ACSM3: variants seen among roughly 807,000 people sequenced by gnomAD.
ACSM3 encodes the protein acyl-CoA synthetase medium chain family member 3.
In ACSM3, 61 loss-of-function variants were observed where a neutral mutation model predicts 74.1. The ratio of observed to expected loss-of-function variants is 0.82; its 90% CI spans 0.67 to 1.02. ACSM3 has a LOEUF of 1.02. ACSM3 is among the 50% of genes least tolerant of loss of function. ACSM3 has a pLI of 0.00. For missense variants in ACSM3, 660 were observed against 697.0 expected (o/e 0.95, Z 0.60); for synonymous variants, 213 against 241.5 (o/e 0.88, Z 1.09).
intron 1 of ACSM3, among the ~76,000 whole-genome samples, chr16:20,728,998 T>C (rs4783486): frequency 0.62 from 93,601 of 151,620 alleles, 29,995 homozygotes; most frequent in Non-Finnish European, 0.72. Flanking sequence ...GTCCCAGCTA[T>C]CCAGAAGGCT....
chr16:20,763,701 TCTTTC>T (rs953620546), upstream of ACSM3: 4 of 152,262 alleles, frequency 2.6e-5, no homozygotes, highest in Non-Finnish European at 4.4e-5. Flanking sequence ...CCCCTCAACT[TCTTTC>T]CTTTCAATTT....
chr16:20,723,389 G>A (rs1377569202), intron 1 of ACSM3, among the ~76,000 whole-genome samples: 3 of 152,144 alleles, frequency 2.0e-5, no homozygotes, highest in Non-Finnish European at 4.4e-5. Flanking sequence ...AATCCTTTGG[G>A]TATATACCCA....
chr16:20,767,067 T>C (rs1479832091), intron 1 of ACSM3, among the ~76,000 whole-genome samples: 1 of 152,150 alleles, frequency 6.6e-6, no homozygotes, highest in African/African-American at 2.4e-5. Flanking sequence ...TTTTACAGTT[T>C]TTTTGAGCCA....
At chr16:20,788,457 A>G (rs2080522289) in intron 9 of ACSM3, among the ~76,000 whole-genome samples, 1 of 152,162 alleles carries the variant, frequency 6.6e-6, no homozygotes, top group South Asian at 2.1e-4. Flanking sequence ...TGCAAATATG[A>G]TGAGGCTGAG....
At chr16:20,742,808 TATATA>T (rs1197034705) in intron 1 of ACSM3, among the ~76,000 whole-genome samples, 8 of 46,118 alleles carry the variant, frequency 1.7e-4, no homozygotes, top group South Asian at 7.6e-4. Context: ...TATATATATA[TATATA>T]TTTTTTTTTT....
chr16:20,776,075 T>C (rs1041281393), intron 3 of ACSM3, 26 bp downstream of exon 3: 11 of 1,608,534 alleles, frequency 6.8e-6, no homozygotes, highest in Admixed American at 6.7e-5. Flanking sequence ...TTTCCGATCA[T>C]ATTTATTACT....
chr16:20,797,180 AT>A lies in ACSM3; in HGVS notation c.*211del. On this transcript the variant is annotated 3_prime_UTR_variant, in exon 14 of 14. Coordinates refer to ENST00000289416, the MANE Select transcript of ACSM3 (RefSeq NM_005622.4). ...CCACATTAGTGTCAATGTTCCTATC[AT>A]TTCTTAATATAAAAATAATACCATC... The A allele has an allele frequency of 7.8e-7, 1 of 1,281,444 alleles. No individual in the cohort carries two copies. Among genetic ancestry groups the A allele is most frequent in the Non-Finnish European group, 9.9e-7 (1 of 1,014,788 alleles). The allele number at this position is 1,281,444 out of a possible 1,614,324, so 79.4% of individuals were successfully genotyped here. A position where few individuals can be genotyped will look rare whatever the true frequency, so the allele number is the denominator to read the frequency against.
intron 12 of ACSM3, 195 bp downstream of exon 12, chr16:20,792,530 C>A: frequency 1.0e-6 from 1 of 985,360 alleles, no homozygotes; most frequent in Non-Finnish European, 1.2e-6. Context: ...TCCTAACAGA[C>A]AAACAAAATA....
intron 1 of ACSM3, among the ~76,000 whole-genome samples, chr16:20,683,742 T>C (rs1418988344): frequency 6.6e-6 from 1 of 151,584 alleles, no homozygotes; most frequent in Non-Finnish European, 1.5e-5. Context: ...TCTTTCTTTT[T>C]GTATTTTAGT....
At chr16:20,739,713 C>T (rs2079901075) in intron 1 of ACSM3, among the ~76,000 whole-genome samples, 1 of 151,478 alleles carries the variant, frequency 6.6e-6, no homozygotes, top group Non-Finnish European at 1.5e-5. Context: ...CCCAGCTACT[C>T]AGGAGGCTGA....
chr16:20,785,878 G>T (rs2080463019), intron 8 of ACSM3, among the ~76,000 whole-genome samples, 200 bp from the exon 9 acceptor site: 1 of 152,098 alleles, frequency 6.6e-6, no homozygotes. Flanking sequence ...ATGGATATAT[G>T]AGTAATTATT....
intron 12 of ACSM3, chr16:20,796,115 C>A (rs989569226): frequency 5.0e-6 from 2 of 403,072 alleles, no homozygotes; most frequent in Non-Finnish European, 8.6e-6. Context: ...AGCGTGACTA[C>A]TGTTTATAAG....
chr16:20,788,112 T>TTTA (rs2080514621), intron 9 of ACSM3, among the ~76,000 whole-genome samples: 1 of 152,122 alleles, frequency 6.6e-6, no homozygotes, highest in Admixed American at 6.6e-5. Flanking sequence ...TTATTTATTT[T>TTTA]TTTATTTTTT....
At chr16:20,741,481 G>GGGGGGGGCCC in intron 1 of ACSM3, 1 of 1,308,412 alleles carries the variant, frequency 7.6e-7, no homozygotes, top group Non-Finnish European at 9.9e-7. Context: ...CTGGCAGCCG[G>GGGGGGGGCCC]CCCGCCCGCC....
At chr16:20,760,126 T>A (rs1440812706), upstream of ACSM3, among the ~76,000 whole-genome samples, 1 of 152,152 alleles carries the variant, frequency 6.6e-6, no homozygotes, top group South Asian at 2.1e-4. Flanking sequence ...TTTGTAGCAA[T>A]AAGATCCAAA....
intron 1 of ACSM3, among the ~76,000 whole-genome samples, chr16:20,748,948 A>G (rs987249160): frequency 1.9e-4 from 29 of 152,214 alleles, no homozygotes; most frequent in Middle Eastern, 3.4e-3. Context: ...GCTACTCGGG[A>G]GGCTGAAGTA....
chr16:20,754,390 A>G (rs1018070437), intron 2 of ACSM3, among the ~76,000 whole-genome samples: 2 of 152,218 alleles, frequency 1.3e-5, no homozygotes, highest in Non-Finnish European at 2.9e-5. Flanking sequence ...GTTCCCACAT[A>G]AGCAAACTGA....
chr16:20,721,520 C>T (rs2152393392), intron 1 of ACSM3: 1 of 152,138 alleles, frequency 6.6e-6, no homozygotes, highest in African/African-American at 2.4e-5. Context: ...TAGAAAAACT[C>T]CTGCTACAAC....
At chr16:20,703,098 G>C (rs1364109265) in intron 1 of ACSM3, 1 of 152,182 alleles carries the variant, frequency 6.6e-6, no homozygotes, top group Non-Finnish European at 1.5e-5. Flanking sequence ...GCTTTTGTCA[G>C]GTTTGTCAAA....
Sources: allele counts gnomAD v4.1 joint callset (sites outside exome capture counted in the v4.1 genomes callset), GRCh38; gene constraint gnomAD v4.1.1; transcripts MANE v1.5; gene names NCBI Gene and HGNC (gene_info 2026-07-23, HGNC 2026-07-21).